SNX27: variants seen among roughly 807,000 people sequenced by gnomAD.
The protein encoded by SNX27 is sorting nexin 27.
In SNX27, 22 loss-of-function variants were observed where a neutral mutation model predicts 71.6. That is an observed-to-expected ratio of 0.31 (90% confidence interval 0.22 to 0.44). The LOEUF (loss-of-function observed/expected upper bound fraction) is 0.44. Ranked by LOEUF, SNX27 falls within the 20% of genes least tolerant of loss-of-function variation. The pLI, the probability that SNX27 is intolerant of heterozygous loss-of-function variation, is 1.00. For synonymous variants in SNX27, 269 were observed against 277.2 expected (o/e 0.97, Z 0.29); for missense variants, 531 against 698.6 (o/e 0.76, Z 2.70).
chr1:151,665,519 G>A (rs1236182495), intron 5 of SNX27, among the ~76,000 whole-genome samples: 1 of 152,194 alleles, frequency 6.6e-6, no homozygotes, highest in Non-Finnish European at 1.5e-5. Flanking sequence ...AATGTAGGCT[G>A]AATGTGTGAA....
At chr1:151,644,384 C>A (rs1441273634) in intron 2 of SNX27, among the ~76,000 whole-genome samples, 2 of 152,180 alleles carry the variant, frequency 1.3e-5, no homozygotes, top group Non-Finnish European at 2.9e-5. Context: ...GAAATGGAAT[C>A]ATGGTTTTTT....
intron 1 of SNX27, among the ~76,000 whole-genome samples, chr1:151,630,735 CAGTA>C (rs1050543622): frequency 3.0e-4 from 46 of 152,226 alleles, no homozygotes; most frequent in African/African-American, 9.1e-4. Flanking sequence ...TATAATTAGT[CAGTA>C]AGAATATTCT....
At chr1:151,648,853 T>C (rs1296556172) in intron 2 of SNX27, among the ~76,000 whole-genome samples, 4 of 152,242 alleles carry the variant, frequency 2.6e-5, no homozygotes. Context: ...CAATGAATTC[T>C]CTTAGCTTTT....
At chr1:151,638,426 A>G (rs1363202560) in intron 1 of SNX27, among the ~76,000 whole-genome samples, 1 of 152,230 alleles carries the variant, frequency 6.6e-6, no homozygotes. Context: ...TCTATTTACA[A>G]ATTAAGAGAA....
At position 151,671,255 on chromosome 1, in the gene SNX27, A is replaced by G. The variant is rs577439371; in HGVS notation, c.1149+2620A>G. ...TTTGTTCTTTTTTTTTTTTTTTTCC[A>G]GAGACAGGGTCTCGCTTTGTCACCC... On this transcript the variant is annotated intron_variant, in intron 7 of 11. Transcript: ENST00000458013. Among the ~76,000 whole-genome samples, 15 of 144,322 alleles carry G rather than the reference A, an allele frequency of 1.0e-4. No homozygotes were observed. The East Asian group carries it at 3.0e-3, about 29-fold the overall frequency. 94.7% of individuals were successfully genotyped at this position (144,322 alleles called of 152,430 possible). A position where few individuals can be genotyped will look rare whatever the true frequency, so the allele number is the denominator to read the frequency against.
At chr1:151,682,567 C>T (rs778253257) in intron 7 of SNX27, among the ~76,000 whole-genome samples, 2 of 152,042 alleles carry the variant, frequency 1.3e-5, no homozygotes, top group Non-Finnish European at 2.9e-5. Flanking sequence ...GTGATTCACC[C>T]GCCTCAGCCT....
intron 1 of SNX27, among the ~76,000 whole-genome samples, chr1:151,637,851 TGAAAAA>T (rs1668539240): frequency 1.3e-5 from 2 of 152,226 alleles, no homozygotes; most frequent in Admixed American, 1.3e-4. Flanking sequence ...GGAACAGGAC[TGAAAAA>T]GAATTTAACT....
chr1:151,636,761 T>G (rs1439846820), intron 1 of SNX27, among the ~76,000 whole-genome samples: 1 of 151,936 alleles, frequency 6.6e-6, no homozygotes. Context: ...ACTTGCTTTT[T>G]CATTTTTTTT....
intron 9 of SNX27, 22 bp from the exon 10 acceptor site, chr1:151,692,889 C>A: frequency 6.2e-7 from 1 of 1,614,094 alleles, no homozygotes; most frequent in Non-Finnish European, 8.5e-7. Flanking sequence ...CTGTACCTTA[C>A]TCCCTTGTCT....
chr1:151,654,638 G>A (rs1571826514), intron 2 of SNX27, among the ~76,000 whole-genome samples: 6 of 152,090 alleles, frequency 3.9e-5, no homozygotes, highest in Admixed American at 3.9e-4. Flanking sequence ...CATTTATAAA[G>A]AAAAGTGATT....
intron 1 of SNX27, among the ~76,000 whole-genome samples, chr1:151,624,061 C>T (rs1300090945): frequency 6.6e-6 from 1 of 151,930 alleles, no homozygotes; most frequent in East Asian, 1.9e-4. Context: ...CTCCTGGGCT[C>T]AAGTGATCCT....
intron 2 of SNX27, among the ~76,000 whole-genome samples, chr1:151,641,757 C>CAG (rs1454796106): frequency 2.4e-5 from 2 of 83,206 alleles, no homozygotes; most frequent in South Asian, 3.3e-4. Flanking sequence ...ACATATATAT[C>CAG]ATATATATGC....
intron 8 of SNX27, among the ~76,000 whole-genome samples, chr1:151,687,898 C>A (rs1293723613): frequency 6.7e-6 from 1 of 149,228 alleles, no homozygotes; most frequent in African/African-American, 2.5e-5. Flanking sequence ...CAGTGAGCCG[C>A]GATCGCGCCG....
chr1:151,696,685 T>C lies in SNX27; in HGVS notation c.*2268T>C, dbSNP rs1671760378. 2 of 145,290 alleles carry C rather than the reference T, an allele frequency of 1.4e-5. No homozygotes were observed. The highest frequency in any genetic ancestry group is 1.4e-4 in the Admixed American group (2 of 14,210). 9.0% of individuals were successfully genotyped at this position (145,290 alleles called of 1,614,324 possible). Reference sequence around the variant, plus strand: ...TTTTTTTTTTCCCAGAGTCTTGCTCTGTCGCCCAGGTTGGAGTGCAGTGGC... The same window carrying C: ...TTTTTTTTTTCCCAGAGTCTTGCTCCGTCGCCCAGGTTGGAGTGCAGTGGC... On this transcript the variant is annotated 3_prime_UTR_variant, in exon 12 of 12. Coordinates refer to ENST00000458013, the MANE Select transcript of SNX27 (RefSeq NM_001330723.2).
At chr1:151,693,905 G>T (rs1671581099) in intron 11 of SNX27, 9 of 1,379,782 alleles carry the variant, frequency 6.5e-6, no homozygotes, top group Admixed American at 3.1e-5. Flanking sequence ...GAAGGTGTTT[G>T]CTGTTGCTTT....
intron 7 of SNX27, among the ~76,000 whole-genome samples, chr1:151,674,066 C>A (rs1321414109): frequency 6.6e-6 from 1 of 152,094 alleles, no homozygotes; most frequent in African/African-American, 2.4e-5. Context: ...TAAGGCCTTA[C>A]TCTTGCCATT....
Position 151,672,119 on chromosome 1 carries a change from T to G in SNX27, c.1149+3484T>G, listed in dbSNP as rs186908246. 3.3e-5 allele frequency among the ~76,000 whole-genome samples: 5 copies of G among 152,356 alleles called. No homozygotes were observed. The East Asian group carries it at 7.7e-4, about 23-fold the overall frequency. On this transcript the variant is annotated intron_variant, in intron 7 of 11. Coordinates refer to ENST00000458013, the MANE Select transcript of SNX27 (RefSeq NM_001330723.2). Reference sequence around the variant, plus strand: ...ACTTTCAGTTTCTCCCCATTCAGGATGGTAGTAGCTGTGGATCTGTCATAT... The same window carrying G: ...ACTTTCAGTTTCTCCCCATTCAGGAGGGTAGTAGCTGTGGATCTGTCATAT...
At chr1:151,675,290 G>A (rs1415157346) in intron 7 of SNX27, among the ~76,000 whole-genome samples, 1 of 152,090 alleles carries the variant, frequency 6.6e-6, no homozygotes, top group African/African-American at 2.4e-5. Flanking sequence ...GAGGAAGTAA[G>A]AGTTGATACT....
intron 8 of SNX27, among the ~76,000 whole-genome samples, chr1:151,690,522 TC>T (rs1464848870): frequency 6.6e-6 from 1 of 152,070 alleles, no homozygotes; most frequent in African/African-American, 2.4e-5. Flanking sequence ...GTGCAGTGGT[TC>T]CATCATAGCC....
Sources: gnomAD v4.1 joint callset for allele counts (sites outside exome capture counted in the v4.1 genomes callset) on GRCh38, gnomAD v4.1.1 for gene constraint, MANE v1.5 for transcripts, NCBI Gene and HGNC (gene_info 2026-07-23, HGNC 2026-07-21) for gene names.